The following KCNMA1 variants were observed in gnomAD, a reference collection of about 807,000 sequenced individuals.
KCNMA1 encodes Calcium-activated potassium channel subunit alpha-1.
In KCNMA1, 29 loss-of-function variants were observed where a neutral mutation model predicts 140.0. That is an observed-to-expected ratio of 0.21 (90% CI 0.15 to 0.28). The LOEUF (loss-of-function observed/expected upper bound fraction) is 0.28, where lower values mean the gene tolerates loss of function less well. KCNMA1 is among the 10% of genes least tolerant of loss of function. The probability of loss-of-function intolerance (pLI) is 1.00; values close to 1 mark genes in which losing one functional copy is unlikely to be tolerated. For missense variants in KCNMA1, 880 were observed against 1,602.2 expected, an observed-to-expected ratio of 0.55 and a Z score of 7.70; for synonymous variants, 612 against 611.9, an observed-to-expected ratio of 1.00 and a Z score of 0.00.
chr10:77,425,352 T>C (rs907979581), intron 1 of KCNMA1, among the ~76,000 whole-genome samples: 2 of 152,184 alleles, frequency 1.3e-5, no homozygotes, highest in African/African-American at 4.8e-5. Context: ...CCTGCAGCAC[T>C]TGAATTTAGG....
intron 18 of KCNMA1, among the ~76,000 whole-genome samples, chr10:77,003,112 G>A (rs1051828224): frequency 5.9e-5 from 9 of 152,108 alleles, no homozygotes; most frequent in Admixed American, 3.3e-4. Flanking sequence ...CAAGGGTAAC[G>A]TTATGATTGT....
intron 2 of KCNMA1, chr10:77,309,792 C>T (rs2078775697): frequency 6.6e-6 from 1 of 152,204 alleles, no homozygotes; most frequent in Non-Finnish European, 1.5e-5. Context: ...GAGACCAAGG[C>T]TCTAGACCTG....
At chr10:77,354,109 C>T (rs1197569617) in intron 2 of KCNMA1, among the ~76,000 whole-genome samples, 19 of 152,176 alleles carry the variant, frequency 1.2e-4, no homozygotes, top group Non-Finnish European at 2.9e-5. Context: ...GCCTCAGCCT[C>T]CCAAGTAGCT....
At chr10:77,345,579 C>A (rs541673997) in intron 2 of KCNMA1, among the ~76,000 whole-genome samples, 1 of 152,168 alleles carries the variant, frequency 6.6e-6, no homozygotes, top group African/African-American at 2.4e-5. Flanking sequence ...CAAATGCCAA[C>A]ATAGAATGAC....
chr10:77,120,088 C>T (rs2097563006), intron 6 of KCNMA1, among the ~76,000 whole-genome samples: 1 of 152,118 alleles, frequency 6.6e-6, no homozygotes, highest in African/African-American at 2.4e-5. Context: ...TGGAGGTGTC[C>T]TGTTTTTAAT....
chr10:76,991,849 T>C (rs1234145406), intron 19 of KCNMA1, among the ~76,000 whole-genome samples: 1 of 152,188 alleles, frequency 6.6e-6, no homozygotes, highest in South Asian at 2.1e-4. Context: ...TGAAGATCAT[T>C]TTAATGCAAG....
intron 1 of KCNMA1, among the ~76,000 whole-genome samples, chr10:77,504,647 T>C (rs816831): frequency 0.11 from 16,261 of 152,168 alleles, 1,185 homozygotes; most frequent in African/African-American, 0.18. Flanking sequence ...TGGACTGCAG[T>C]AGTGCAATCA....
downstream of KCNMA1, chr10:76,873,863 A>G (rs1262512176): frequency 6.6e-6 from 1 of 152,212 alleles, no homozygotes; most frequent in Non-Finnish European, 1.5e-5. Flanking sequence ...TAGTTTATTA[A>G]TGAAAGAAAA....
chr10:77,056,679 A>G (rs1050297305), intron 14 of KCNMA1, among the ~76,000 whole-genome samples: 42 of 152,304 alleles, frequency 2.8e-4, no homozygotes, highest in Non-Finnish European at 5.7e-4. Flanking sequence ...ACTAAGAAAG[A>G]ACACATTTGT....
chr10:77,245,064 G>C (rs2058246116), intron 3 of KCNMA1, among the ~76,000 whole-genome samples: 1 of 151,764 alleles, frequency 6.6e-6, no homozygotes, highest in Non-Finnish European at 1.5e-5. Flanking sequence ...AAACTGGGGG[G>C]AGTATTTTAA....
intron 5 of KCNMA1, among the ~76,000 whole-genome samples, chr10:77,179,640 G>T (rs918688163): frequency 6.6e-6 from 1 of 151,760 alleles, no homozygotes; most frequent in Non-Finnish European, 1.5e-5. Flanking sequence ...TCATTCAAGG[G>T]GTAAGGACAC....
chr10:77,264,784 G>A (rs1366329180), intron 2 of KCNMA1, among the ~76,000 whole-genome samples: 2 of 152,112 alleles, frequency 1.3e-5, no homozygotes, highest in Non-Finnish European at 2.9e-5. Flanking sequence ...GCCCCAGCCT[G>A]ATCACCAATT....
At chr10:77,233,259 A>G (rs2054223228) in intron 3 of KCNMA1, among the ~76,000 whole-genome samples, 1 of 152,200 alleles carries the variant, frequency 6.6e-6, no homozygotes, top group Non-Finnish European at 1.5e-5. Context: ...TTAAAAGTGG[A>G]AATTGCATTA....
At chr10:77,425,357 T>C (rs544587349) in intron 1 of KCNMA1, among the ~76,000 whole-genome samples, 1 of 152,318 alleles carries the variant, frequency 6.6e-6, no homozygotes, top group South Asian at 2.1e-4. Context: ...AGCACTTGAA[T>C]TTAGGCTTCT....
At chr10:77,575,287 G>T (rs989261513) in intron 1 of KCNMA1, among the ~76,000 whole-genome samples, 1 of 152,190 alleles carries the variant, frequency 6.6e-6, no homozygotes, top group African/African-American at 2.4e-5. Context: ...AGCAGTGGTG[G>T]CAGAGGCTGG....
intron 1 of KCNMA1, among the ~76,000 whole-genome samples, chr10:77,536,814 C>A (rs575630782): frequency 6.6e-6 from 1 of 152,314 alleles, no homozygotes; most frequent in South Asian, 2.1e-4. Flanking sequence ...TCACTGGTCT[C>A]CTCCCCAGAG....
At chr10:77,626,213 T>C (rs1393756545) in intron 1 of KCNMA1, among the ~76,000 whole-genome samples, 1 of 151,884 alleles carries the variant, frequency 6.6e-6, no homozygotes, top group Non-Finnish European at 1.5e-5. Flanking sequence ...TAAGAAATGA[T>C]TGGGTTTTTT....
intron 1 of KCNMA1, among the ~76,000 whole-genome samples, chr10:77,503,109 C>T (rs1347252691): frequency 6.6e-6 from 1 of 152,112 alleles, no homozygotes; most frequent in African/African-American, 2.4e-5. Flanking sequence ...AAAACAAAAC[C>T]AAGACCACTT....
In KCNMA1 at chr10:77,033,866, C is replaced by T. The variant is rs140001908; in HGVS notation, c.1859+5662G>A. Among the ~76,000 whole-genome samples, 92 of 152,246 alleles carry T rather than the reference C, an allele frequency of 6.0e-4. 3 individuals carry two copies. The East Asian group carries it at 0.014, about 23-fold the overall frequency. On this transcript the variant is annotated intron_variant, in intron 15 of 27. Transcript: ENST00000286628. ...CCAATACTGTATTCACATCTCTATTCATATATGTTCAACCCTAATTACAAT... is the reference window on the plus strand; with the variant it reads ...CCAATACTGTATTCACATCTCTATTTATATATGTTCAACCCTAATTACAAT...
Sources: allele counts gnomAD v4.1 joint callset (sites outside exome capture counted in the v4.1 genomes callset), GRCh38; gene constraint gnomAD v4.1.1; transcripts MANE v1.5; gene names NCBI Gene and HGNC (gene_info 2026-07-23, HGNC 2026-07-21).